The following PDE6C variants were observed in gnomAD, a reference collection of about 807,000 sequenced individuals.
PDE6C encodes the protein phosphodiesterase 6C, also known as cone cGMP-specific 3',5'-cyclic phosphodiesterase subunit alpha'.
Under a neutral mutation model 113.1 loss-of-function variants are expected in PDE6C, and 75 were observed. The observed-to-expected ratio is 0.66, with a 90% CI of 0.55 to 0.80. The LOEUF is 0.80. Among genes scored for constraint, PDE6C ranks in the 30% least tolerant of loss-of-function variants. The pLI is 0.00. For synonymous variants in PDE6C, 375 were observed against 363.7 expected, an observed-to-expected ratio of 1.03 and a Z score of -0.35; for missense variants, 912 against 1,038.6, an observed-to-expected ratio of 0.88 and a Z score of 1.67.
At chr10:93,657,741 T>C (rs921760715) in intron 16 of PDE6C, among the ~76,000 whole-genome samples, 5 of 37,994 alleles carry the variant, frequency 1.3e-4, no homozygotes, top group Middle Eastern at 0.022. Flanking sequence ...TGTATGTCCC[T>C]GTATATATAT....
Position 93,620,785 on chromosome 10 carries a change from G to A in PDE6C, c.633+1G>A, listed in dbSNP as rs772358009. On this transcript the variant is annotated splice_donor_variant, in intron 2 of 21. Transcript: ENST00000371447. LOFTEE classifies it high-confidence loss of function. ...TGAATTTTCCAAACAGGATGAAGAG[G>A]TAATGCTAACCCTGGGCATCTGGTT... 6.2e-7 allele frequency: 1 copy of A among 1,614,154 alleles called. No homozygotes were observed. Among genetic ancestry groups the A allele is most frequent in the African/African-American group, 1.3e-5 (1 of 75,038 alleles).
In PDE6C at chr10:93,640,637, A is replaced by C. The variant is rs370375537; in HGVS notation, c.1737+80A>C. Reference sequence around the variant, plus strand: ...TGATGAGAAATAGGTATGGTCCATCATTTTAGATCAGTAATTTAAAAATTC... The same window carrying C: ...TGATGAGAAATAGGTATGGTCCATCCTTTTAGATCAGTAATTTAAAAATTC... On this transcript the variant is annotated intron_variant, in intron 13 of 21. Transcript: ENST00000371447. The C allele has an allele frequency of 1.3e-4, 132 of 1,016,314 alleles. No homozygotes were observed. In the African/African-American group the frequency reaches 1.7e-3, roughly 13 times the overall value. 63.0% of individuals were successfully genotyped at this position (1,016,314 alleles called of 1,614,324 possible). A position where few individuals can be genotyped will look rare whatever the true frequency, so the allele number is the denominator to read the frequency against.
chr10:93,632,647 G>T (rs535853859), intron 8 of PDE6C, among the ~76,000 whole-genome samples: 111 of 152,306 alleles, frequency 7.3e-4, no homozygotes, highest in African/African-American at 2.4e-3. Context: ...TCTTTCACAC[G>T]CATGTGATAT....
At chr10:93,650,659 C>A (rs2058605696) in intron 15 of PDE6C, among the ~76,000 whole-genome samples, 1 of 152,152 alleles carries the variant, frequency 6.6e-6, no homozygotes, top group African/African-American at 2.4e-5. Flanking sequence ...GAAAGAATTG[C>A]AGAACTTCAC....
chr10:93,636,487 A>G (rs1002102829), intron 10 of PDE6C, among the ~76,000 whole-genome samples: 2 of 150,810 alleles, frequency 1.3e-5, no homozygotes, highest in African/African-American at 2.4e-5. Context: ...ATTCAGTTTG[A>G]TAGTTTGAGA....
chr10:93,655,473 T>G (rs2058632060), intron 15 of PDE6C, among the ~76,000 whole-genome samples: 1 of 152,076 alleles, frequency 6.6e-6, no homozygotes, highest in Non-Finnish European at 1.5e-5. Context: ...AAAACATTTA[T>G]TTACTCCAAA....
At chr10:93,623,543 A>G (rs1348531157) in intron 4 of PDE6C, among the ~76,000 whole-genome samples, 1 of 152,182 alleles carries the variant, frequency 6.6e-6, no homozygotes, top group East Asian at 1.9e-4. Context: ...ATCAAACCCA[A>G]GTTCACCTAG....
intron 16 of PDE6C, among the ~76,000 whole-genome samples, chr10:93,657,838 C>A (rs975720934): frequency 3.3e-5 from 5 of 152,018 alleles, no homozygotes; most frequent in Admixed American, 1.3e-4. Context: ...AAACTGCACT[C>A]CTGAGAAGTT....
intron 1 of PDE6C, among the ~76,000 whole-genome samples, chr10:93,616,310 GA>G (rs1226168504): frequency 6.6e-6 from 1 of 152,158 alleles, no homozygotes; most frequent in Non-Finnish European, 1.5e-5. Context: ...CTCACACCTA[GA>G]CAAAGGTACA....
At chr10:93,617,293 T>A (rs2058424659) in intron 1 of PDE6C, among the ~76,000 whole-genome samples, 1 of 152,138 alleles carries the variant, frequency 6.6e-6, no homozygotes, top group African/African-American at 2.4e-5. Flanking sequence ...CCCTCCCCCA[T>A]CCCCATCCTG....
chr10:93,635,730 C>A, intron 10 of PDE6C, 90 bp downstream of exon 10: 1 of 1,353,618 alleles, frequency 7.4e-7, no homozygotes, highest in Non-Finnish European at 1.1e-6. Flanking sequence ...CTGACAAATG[C>A]AAATGGTTTA....
intron 21 of PDE6C, among the ~76,000 whole-genome samples, chr10:93,664,615 C>T (rs1438292775): frequency 3.3e-5 from 5 of 152,146 alleles, no homozygotes; most frequent in Admixed American, 2.0e-4. Flanking sequence ...ACCTTTATCT[C>T]AACTTTATTA....
chr10:93,646,030 A>G lies in PDE6C; in HGVS notation c.1918A>G (p.Thr640Ala), dbSNP rs2058582615. 3 of 1,595,616 alleles carry G rather than the reference A, an allele frequency of 1.9e-6. No homozygotes were observed. The Admixed American group carries it at 5.0e-5, about 27-fold the overall frequency. The part of the protein sequence containing the change: ...LERHHLEYSK[T>A]LLQDESLNIF... ...GAGGCACCACCTGGAGTACAGTAAG[A>G]CTCTGTTGCAGGATGAGGTACGTAA... Residue 640 changes from threonine to alanine, a missense_variant, in exon 15 of 22, where the codon ACT becomes GCT. Transcript: ENST00000371447.
At position 93,665,445 on chromosome 10, in the gene PDE6C, A is replaced by G. The variant is rs777267172; in HGVS notation, c.*27A>G. 7 of 1,401,346 alleles carry G rather than the reference A, an allele frequency of 5.0e-6. No individual in the cohort carries two copies. The highest frequency in any genetic ancestry group is 2.8e-5 in the African/African-American group (2 of 70,858). The allele number at this position is 1,401,346 out of a possible 1,614,324, so 86.8% of individuals were successfully genotyped here. On this transcript the variant is annotated 3_prime_UTR_variant, in exon 22 of 22. Transcript: ENST00000371447. ...ATTATCTAACTGGTCTAAACTTCAAATATCATTTTACCTTTGAAGAAAACC... is the reference window on the plus strand; with the variant it reads ...ATTATCTAACTGGTCTAAACTTCAAGTATCATTTTACCTTTGAAGAAAACC...
chr10:93,619,023 A>C (rs1200217067), intron 1 of PDE6C, among the ~76,000 whole-genome samples: 2 of 152,234 alleles, frequency 1.3e-5, no homozygotes, highest in Admixed American at 6.5e-5. Context: ...GCTGAAGTTC[A>C]GTTCTAATTG....
chr10:93,626,603 A>G (rs1426303134), intron 5 of PDE6C, 37 bp from the exon 6 acceptor site: 2 of 1,181,010 alleles, frequency 1.7e-6, no homozygotes, highest in Admixed American at 1.8e-5. Flanking sequence ...TCTTTGGGAA[A>G]TAACATTATT....
At chr10:93,628,434 A>G (rs189226536) in intron 7 of PDE6C, among the ~76,000 whole-genome samples, 3 of 152,130 alleles carry the variant, frequency 2.0e-5, no homozygotes, top group African/African-American at 7.2e-5. Flanking sequence ...AAAATACAAA[A>G]ATTAGTTGGG....
Position 93,618,979 on chromosome 10 carries a change from G to A in PDE6C, c.481-1653G>A, listed in dbSNP as rs779496568. 5.3e-5 allele frequency among the ~76,000 whole-genome samples: 8 copies of A among 152,304 alleles called. No homozygotes were observed. The South Asian group carries it at 8.3e-4, about 16-fold the overall frequency. The stretch of plus-strand genomic sequence containing the variant: ...ATAATACAACTGTGGAAGGAATACC[G>A]CACTAATTTTGGCCAACGAGTCTCA... On this transcript the variant is annotated intron_variant, in intron 1 of 21. Transcript: ENST00000371447.
intron 7 of PDE6C, among the ~76,000 whole-genome samples, chr10:93,627,360 T>G (rs774484104): frequency 6.6e-6 from 1 of 151,410 alleles, no homozygotes; most frequent in Non-Finnish European, 1.5e-5. Flanking sequence ...ACTGGAGACT[T>G]CTGAACTCTA....
Sources: gnomAD v4.1 joint callset for allele counts (sites outside exome capture counted in the v4.1 genomes callset) on GRCh38, gnomAD v4.1.1 for gene constraint, MANE v1.5 for transcripts, NCBI Gene and HGNC (gene_info 2026-07-23, HGNC 2026-07-21) for gene names.